KIRREL3: variants seen among roughly 807,000 people sequenced by gnomAD.
KIRREL3 encodes the protein kin of IRRE-like protein 3.
Under a neutral mutation model 89.7 loss-of-function variants are expected in KIRREL3, and 36 were observed. The ratio of observed to expected loss-of-function variants is 0.40; its 90% CI spans 0.31 to 0.53. The LOEUF (loss-of-function observed/expected upper bound fraction) is 0.53, where lower values mean the gene tolerates loss of function less well. Ranked by LOEUF, KIRREL3 falls within the 20% of genes least tolerant of loss-of-function variation. The pLI, the probability that KIRREL3 is intolerant of heterozygous loss-of-function variation, is 0.49. For synonymous variants in KIRREL3, 445 were observed against 441.4 expected (o/e 1.01, Z -0.10); for missense variants, 864 against 1,056.6 (o/e 0.82, Z 2.53).
intron 1 of KIRREL3, among the ~76,000 whole-genome samples, chr11:126,711,906 C>T (rs1947771780): frequency 6.6e-6 from 1 of 152,136 alleles, no homozygotes; most frequent in Admixed American, 6.5e-5. Flanking sequence ...GCAGAACATC[C>T]CTAAAAACAG....
At chr11:126,915,430 C>T (rs537547389) in intron 1 of KIRREL3, among the ~76,000 whole-genome samples, 3 of 152,132 alleles carry the variant, frequency 2.0e-5, no homozygotes, top group South Asian at 2.1e-4. Flanking sequence ...TCTAAACATT[C>T]GTCCTGAGAT....
In KIRREL3 at chr11:126,521,265, C is replaced by T; in HGVS notation, c.433+50G>A. On this transcript the variant is annotated intron_variant, in intron 4 of 16. Transcript: ENST00000525144. The surrounding 1 kb of genome is among the most constrained non-coding windows in gnomAD (Gnocchi z 4.1). The stretch of plus-strand genomic sequence containing the variant: ...AAAAAAATACCCTCTTGGAGCTGAG[C>T]CCTTGGTGCTTCACGCAGTGTCCCA... 1.4e-6 allele frequency: 2 copies of T among 1,468,914 alleles called. No homozygotes were observed. Among genetic ancestry groups the T allele is most frequent in the Non-Finnish European group, 9.1e-7 (1 of 1,101,628 alleles). 91.0% of individuals were successfully genotyped at this position (1,468,914 alleles called of 1,614,324 possible). A position where few individuals can be genotyped will look rare whatever the true frequency, so the allele number is the denominator to read the frequency against.
rs1449138143 is a variant in KIRREL3, at chr11:126,566,718, T to C, written c.56-3806A>G. 6.6e-6 allele frequency among the ~76,000 whole-genome samples: 1 copy of C among 152,250 alleles called. No individual in the cohort carries two copies. Among genetic ancestry groups the C allele is most frequent in the Non-Finnish European group, 1.5e-5 (1 of 68,038 alleles). On this transcript the variant is annotated intron_variant, in intron 1 of 16. Transcript: ENST00000525144. This position sits in a 1 kb window ranked among gnomAD's most constrained non-coding sequence, Gnocchi z 4.9. ...TTTCAGAGGGTGCAGATGGGATGTTTTCTAGCCTTAGAATTCCTTCATTCT... is the reference window on the plus strand; with the variant it reads ...TTTCAGAGGGTGCAGATGGGATGTTCTCTAGCCTTAGAATTCCTTCATTCT...
Position 126,594,758 on chromosome 11 carries a change from T to C in KIRREL3, c.56-31846A>G, listed in dbSNP as rs905197818. Among the ~76,000 whole-genome samples, 1 of 152,222 alleles carries C rather than the reference T, an allele frequency of 6.6e-6. No individual in the cohort carries two copies. Among genetic ancestry groups the C allele is most frequent in the African/African-American group, 2.4e-5 (1 of 41,464 alleles). Reference sequence around the variant, plus strand: ...CTCATAGAAAGGCAGAGACACTGAATAGAACATAGAAGGGGTTGTTTTCCT... The same window carrying C: ...CTCATAGAAAGGCAGAGACACTGAACAGAACATAGAAGGGGTTGTTTTCCT... On this transcript the variant is annotated intron_variant, in intron 1 of 16. Transcript: ENST00000525144. The surrounding 1 kb of genome is among the most constrained non-coding windows in gnomAD (Gnocchi z 5.0).
chr11:126,717,260 G>A (rs1948001973), intron 1 of KIRREL3, among the ~76,000 whole-genome samples: 1 of 152,174 alleles, frequency 6.6e-6, no homozygotes, highest in Non-Finnish European at 1.5e-5. Context: ...ATTCTATGGT[G>A]TCTTGGATAT....
Position 126,908,670 on chromosome 11 carries a change from G to A in KIRREL3, c.55+91785C>T, listed in dbSNP as rs1005192637. On this transcript the variant is annotated intron_variant, in intron 1 of 16. Coordinates refer to ENST00000525144, the MANE Select transcript of KIRREL3 (RefSeq NM_032531.4). The surrounding 1 kb of genome is among the most constrained non-coding windows in gnomAD (Gnocchi z 4.2). ...AATCACAAATTCATTCATTTAACAAGTATTAAAGGGCTTCCCATACACCAG... is the reference window on the plus strand; with the variant it reads ...AATCACAAATTCATTCATTTAACAAATATTAAAGGGCTTCCCATACACCAG... Among the ~76,000 whole-genome samples, 5 of 152,142 alleles carry A rather than the reference G, an allele frequency of 3.3e-5. No homozygotes were observed. Among genetic ancestry groups the A allele is most frequent in the African/African-American group, 9.7e-5 (4 of 41,418 alleles).
Position 126,646,894 on chromosome 11 carries a change from C to T in KIRREL3, c.56-83982G>A, listed in dbSNP as rs563350542. 3.9e-5 allele frequency among the ~76,000 whole-genome samples: 6 copies of T among 152,232 alleles called. No homozygotes were observed. The South Asian group carries it at 6.2e-4, about 16-fold the overall frequency. Reference sequence around the variant, plus strand: ...TGTTCTTTTCTTCATGTTGAGACAACGTTTTTCCCCACAAGCCAATGTGGT... The same window carrying T: ...TGTTCTTTTCTTCATGTTGAGACAATGTTTTTCCCCACAAGCCAATGTGGT... On this transcript the variant is annotated intron_variant, in intron 1 of 16. Coordinates refer to ENST00000525144, the MANE Select transcript of KIRREL3 (RefSeq NM_032531.4).
rs535721858 is a variant in KIRREL3, at chr11:126,997,040, G to T, written c.55+3415C>A. The stretch of plus-strand genomic sequence containing the variant: ...CTATCTCCCCTGTCTCCGAGGTGGA[G>T]ATCAGAGATCTCCCTGGAGGCAGGG... On this transcript the variant is annotated intron_variant, in intron 1 of 16. Transcript: ENST00000525144. This position sits in a 1 kb window ranked among gnomAD's most constrained non-coding sequence, Gnocchi z 4.3. Among the ~76,000 whole-genome samples the T allele has an allele frequency of 6.6e-6, 1 of 152,312 alleles. No homozygotes were observed. Among genetic ancestry groups the T allele is most frequent in the South Asian group, 2.1e-4 (1 of 4,826 alleles).
chr11:126,449,479 T>C (rs1955944724), intron 7 of KIRREL3, among the ~76,000 whole-genome samples: 1 of 152,166 alleles, frequency 6.6e-6, no homozygotes, highest in Admixed American at 6.5e-5. Flanking sequence ...GGCTAGACGA[T>C]GGAAAATCCA....
chr11:126,439,104 CT>C (rs1327914157), intron 11 of KIRREL3, among the ~76,000 whole-genome samples: 2 of 152,166 alleles, frequency 1.3e-5, no homozygotes, highest in African/African-American at 4.8e-5. Context: ...GACTCTGCCC[CT>C]GGATCACCTG....
intron 1 of KIRREL3, among the ~76,000 whole-genome samples, chr11:126,720,655 G>A (rs1036348480): frequency 3.3e-5 from 5 of 152,216 alleles, no homozygotes; most frequent in African/African-American, 4.8e-5. Flanking sequence ...TCTTGAGAGC[G>A]AATGAGAGTT....
rs1938687961 is a variant in KIRREL3 at position 126,544,988 on chromosome 11, G to A, written c.133+17847C>T. Among the ~76,000 whole-genome samples, 1 of 152,158 alleles carries A rather than the reference G, an allele frequency of 6.6e-6. No homozygotes were observed. The highest frequency in any genetic ancestry group is 2.4e-5 in the African/African-American group (1 of 41,434). On this transcript the variant is annotated intron_variant, in intron 2 of 16. Transcript: ENST00000525144. The surrounding 1 kb of genome is among the most constrained non-coding windows in gnomAD (Gnocchi z 5.6). The stretch of plus-strand genomic sequence containing the variant: ...CTAATAAATTACTTGGTACCCGGCT[G>A]CCAGCTCAGACTAAGCCCAATATTG...
chr11:126,911,160 T>C (rs1041841058), intron 1 of KIRREL3, among the ~76,000 whole-genome samples: 1 of 152,092 alleles, frequency 6.6e-6, no homozygotes, highest in Admixed American at 6.6e-5. Flanking sequence ...GTGCTGGTGA[T>C]GACAATGATG....
Position 126,526,817 on chromosome 11 carries a change from C to A in KIRREL3, c.134-130G>T, listed in dbSNP as rs1958776101. 9.9e-7 allele frequency: 1 copy of A among 1,007,956 alleles called. No individual in the cohort carries two copies. Among genetic ancestry groups the A allele is most frequent in the Admixed American group, 2.3e-5 (1 of 42,776 alleles). The allele number at this position is 1,007,956 out of a possible 1,614,324, so 62.4% of individuals were successfully genotyped here. On this transcript the variant is annotated intron_variant, in intron 2 of 16. Transcript: ENST00000525144. The surrounding 1 kb of genome is among the most constrained non-coding windows in gnomAD (Gnocchi z 5.7). ...CCTCCTGAAGCACCTGGCTTTCCTG[C>A]TGAGGGTCTGGTAGAGCTTCCTAAC...
At position 127,000,655 on chromosome 11, in the gene KIRREL3, C is replaced by A; in HGVS notation, c.-146G>T. On this transcript the variant is annotated 5_prime_UTR_variant, in exon 1 of 17. Coordinates refer to ENST00000525144, the MANE Select transcript of KIRREL3 (RefSeq NM_032531.4). The surrounding 1 kb of genome is among the most constrained non-coding windows in gnomAD (Gnocchi z 7.1). The stretch of plus-strand genomic sequence containing the variant: ...GTCCGTGGGTCCCTCCGGGTGGCTT[C>A]GGTCTCTTTGTGCCTCTGGGTATCT... The A allele has an allele frequency of 2.7e-6, 2 of 732,570 alleles. No homozygotes were observed. The highest frequency in any genetic ancestry group is 4.5e-6 in the Non-Finnish European group (2 of 447,754). 45.4% of individuals were successfully genotyped at this position (732,570 alleles called of 1,614,324 possible). A position where few individuals can be genotyped will look rare whatever the true frequency, so the allele number is the denominator to read the frequency against.
At chr11:127,001,313 G>GT (rs1491105223), upstream of KIRREL3, 3 of 94,856 alleles carry the variant, frequency 3.2e-5, no homozygotes, top group African/African-American at 4.3e-5. Context: ...GGTGGTTGTG[G>GT]TGGGGGGGGG....
chr11:126,833,938 T>C (rs537269136), intron 1 of KIRREL3, among the ~76,000 whole-genome samples: 1 of 152,354 alleles, frequency 6.6e-6, no homozygotes, highest in South Asian at 2.1e-4. Context: ...ACGTTTTGTT[T>C]CAGCCTTTGG....
At chr11:126,595,681 TTC>T (rs1337581630) in intron 1 of KIRREL3, among the ~76,000 whole-genome samples, 1 of 151,934 alleles carries the variant, frequency 6.6e-6, no homozygotes. Context: ...CTAGAATGAG[TTC>T]TTTTTCTCCC....
intron 1 of KIRREL3, among the ~76,000 whole-genome samples, chr11:126,850,793 A>T (rs937087534): frequency 6.6e-6 from 1 of 152,192 alleles, no homozygotes; most frequent in Non-Finnish European, 1.5e-5. Flanking sequence ...TGTGCAGGGG[A>T]CCTGAGGATA....
Sources: gnomAD v4.1 joint callset for allele counts (sites outside exome capture counted in the v4.1 genomes callset) on GRCh38, gnomAD v4.1.1 for gene constraint, Gnocchi (gnomAD v3.1) non-coding constraint, MANE v1.5 for transcripts, NCBI Gene and HGNC (gene_info 2026-07-23, HGNC 2026-07-21) for gene names.